ASTN2: variants seen among roughly 807,000 people sequenced by gnomAD.
ASTN2 encodes the protein astrotactin-2.
ASTN2 carries 54 observed loss-of-function variants against 139.8 expected under a neutral mutation model. The ratio of observed to expected loss-of-function variants is 0.39; its 90% confidence interval spans 0.31 to 0.48. The LOEUF (loss-of-function observed/expected upper bound fraction) is 0.48, where lower values mean the gene tolerates loss of function less well. ASTN2 is among the 20% of genes least tolerant of loss of function. ASTN2 has a pLI of 0.95. For missense variants in ASTN2, 1,565 were observed against 1,725.1 expected, an observed-to-expected ratio of 0.91 and a Z score of 1.64; for synonymous variants, 756 against 719.5, an observed-to-expected ratio of 1.05 and a Z score of -0.81.
intron 19 of ASTN2, among the ~76,000 whole-genome samples, chr9:116,512,643 C>G (rs1167674991): frequency 6.6e-6 from 1 of 152,118 alleles, no homozygotes; most frequent in East Asian, 1.9e-4. Flanking sequence ...GTCTAAGTCT[C>G]TTTGTAAGTC....
At chr9:116,579,204 G>A (rs1313293912) in intron 19 of ASTN2, 1 of 152,186 alleles carries the variant, frequency 6.6e-6, no homozygotes, top group Non-Finnish European at 1.5e-5. Flanking sequence ...GGCAATCAAT[G>A]CCTGGAAAGG....
chr9:117,395,459 AAC>A (rs958573909), intron 1 of ASTN2, among the ~76,000 whole-genome samples: 1 of 152,212 alleles, frequency 6.6e-6, no homozygotes, highest in Non-Finnish European at 1.5e-5. Flanking sequence ...CACCTCATAA[AAC>A]ACAGGAACTC....
intron 5 of ASTN2, among the ~76,000 whole-genome samples, chr9:117,060,513 G>GAAA (rs1302936571): frequency 1.7e-5 from 2 of 117,828 alleles, no homozygotes; most frequent in African/African-American, 7.4e-5. Context: ...AAGAAAGAAA[G>GAAA]GAAGGAAGGA....
intron 11 of ASTN2, among the ~76,000 whole-genome samples, chr9:116,844,019 TGAG>T (rs939647477): frequency 5.3e-5 from 8 of 152,170 alleles, no homozygotes; most frequent in Admixed American, 4.6e-4. Context: ...AGAAGAATGC[TGAG>T]GAGACAAAAA....
At chr9:116,840,625 GCGGC>G in intron 11 of ASTN2, among the ~76,000 whole-genome samples, 1 of 119,844 alleles carries the variant, frequency 8.3e-6, no homozygotes, top group East Asian at 2.4e-4. Flanking sequence ...CTCAGACGGG[GCGGC>G]TGCCGGGCGG....
At chr9:117,076,918 G>A (rs1828296163) in intron 5 of ASTN2, among the ~76,000 whole-genome samples, 1 of 152,012 alleles carries the variant, frequency 6.6e-6, no homozygotes, top group South Asian at 2.1e-4. Flanking sequence ...CAGCCTTACT[G>A]GGTAATTGAG....
At chr9:116,542,815 G>A (rs1851929288) in intron 19 of ASTN2, among the ~76,000 whole-genome samples, 1 of 152,082 alleles carries the variant, frequency 6.6e-6, no homozygotes, top group African/African-American at 2.4e-5. Context: ...AGCTACTTGA[G>A]GGGCTGAGGC....
rs754372512 is a variant in ASTN2, at chr9:116,728,986, C to T, written c.2626+6G>A. On this transcript the variant is annotated splice_donor_region_variant and intron_variant, in intron 15 of 22. Coordinates refer to ENST00000313400, the MANE Select transcript of ASTN2 (RefSeq NM_001365068.1). The stretch of plus-strand genomic sequence containing the variant: ...GTCCCCTGGCTGCCCAGGCAGTGGT[C>T]CTCACCTGCTGCGAGGGTGATGGTG... 7 of 1,577,126 alleles carry T rather than the reference C, an allele frequency of 4.4e-6. No homozygotes were observed. The highest frequency in any genetic ancestry group is 6.0e-6 in the Non-Finnish European group (7 of 1,160,162).
chr9:116,697,006 G>A lies in ASTN2; in HGVS notation c.2806+28765C>T, dbSNP rs577072407. On this transcript the variant is annotated intron_variant, in intron 16 of 22. Coordinates refer to ENST00000313400, the MANE Select transcript of ASTN2 (RefSeq NM_001365068.1). ...GCTTACATGGTTTTCTTTGCTTAAA[G>A]TACCTTTATCCTCATTCCTTCATTT... Among the ~76,000 whole-genome samples, 3 of 146,904 alleles carry A rather than the reference G, an allele frequency of 2.0e-5. No homozygotes were observed. In the East Asian group the frequency reaches 6.0e-4, roughly 29 times the overall value.
At chr9:116,438,566 C>T (rs1195062023) in intron 22 of ASTN2, among the ~76,000 whole-genome samples, 1 of 151,992 alleles carries the variant, frequency 6.6e-6, no homozygotes, top group Non-Finnish European at 1.5e-5. Context: ...TGATCACAGA[C>T]CCAATATTAA....
chr9:116,729,121 C>T (rs777093987), intron 14 of ASTN2, 25 bp from the exon 15 acceptor site: 35 of 1,534,810 alleles, frequency 2.3e-5, no homozygotes, highest in South Asian at 6.0e-5. Flanking sequence ...AAGATGGTCA[C>T]GTGAGCCCAG....
intron 19 of ASTN2, among the ~76,000 whole-genome samples, chr9:116,536,809 C>T (rs1463456302): frequency 3.3e-5 from 5 of 152,182 alleles, no homozygotes; most frequent in African/African-American, 7.2e-5. Context: ...GGTCAGGGAC[C>T]CACTTGAGGA....
intron 13 of ASTN2, among the ~76,000 whole-genome samples, chr9:116,805,184 A>C (rs1430698827): frequency 6.6e-6 from 1 of 151,932 alleles, no homozygotes; most frequent in Non-Finnish European, 1.5e-5. Context: ...AGAGAAGTAG[A>C]AATTTTAAGA....
intron 1 of ASTN2, among the ~76,000 whole-genome samples, chr9:117,328,153 G>A (rs901892630): frequency 9.9e-5 from 15 of 152,068 alleles, no homozygotes; most frequent in Non-Finnish European, 1.9e-4. Context: ...TCCCTTTCTC[G>A]GACTCGGGGT....
chr9:116,802,250 C>T (rs567211744), intron 13 of ASTN2, among the ~76,000 whole-genome samples: 1 of 152,116 alleles, frequency 6.6e-6, no homozygotes, highest in Non-Finnish European at 1.5e-5. Flanking sequence ...CCACGCCCGG[C>T]TAATTTTTTG....
chr9:116,906,061 C>A (rs1045030557), intron 10 of ASTN2, among the ~76,000 whole-genome samples: 11 of 151,964 alleles, frequency 7.2e-5, no homozygotes, highest in Admixed American at 1.3e-4. Context: ...AGATTTCTGC[C>A]AAAGCCAGAG....
At chr9:116,493,583 G>T (rs1849583587) in intron 19 of ASTN2, among the ~76,000 whole-genome samples, 1 of 151,936 alleles carries the variant, frequency 6.6e-6, no homozygotes, top group South Asian at 2.1e-4. Context: ...TTTTCTAGAG[G>T]CCCCACCCCC....
At chr9:116,522,430 C>T (rs559931788) in intron 19 of ASTN2, among the ~76,000 whole-genome samples, 222 of 152,196 alleles carry the variant, frequency 1.5e-3, no homozygotes, top group African/African-American at 4.6e-3. Context: ...AACCAGACAT[C>T]GTATGCTCTC....
chr9:117,139,555 T>C (rs917099069), intron 4 of ASTN2, among the ~76,000 whole-genome samples: 1 of 152,200 alleles, frequency 6.6e-6, no homozygotes, highest in Non-Finnish European at 1.5e-5. Context: ...CAGCTTAACA[T>C]GTAGAGCTTG....
Sources: gnomAD v4.1 joint callset for allele counts (sites outside exome capture counted in the v4.1 genomes callset) on GRCh38, gnomAD v4.1.1 for gene constraint, MANE v1.5 for transcripts, NCBI Gene and HGNC (gene_info 2026-07-23, HGNC 2026-07-21) for gene names.